FMNL2: variants seen among roughly 807,000 people sequenced by gnomAD.
FMNL2 encodes formin-like protein 2.
Under a neutral mutation model 130.2 loss-of-function variants are expected in FMNL2, and 51 were observed. The ratio of observed to expected loss-of-function variants is 0.39; its 90% CI spans 0.31 to 0.49. FMNL2 has a LOEUF of 0.49. Among genes scored for constraint, FMNL2 ranks in the 20% least tolerant of loss-of-function variants. FMNL2 has a pLI of 0.85. For missense variants in FMNL2, 977 were observed against 1,316.2 expected (o/e 0.74, Z 3.99); for synonymous variants, 465 against 467.1 (o/e 1.00, Z 0.06).
chr2:152,432,035 T>C (rs1258732671), intron 1 of FMNL2, among the ~76,000 whole-genome samples: 2 of 139,702 alleles, frequency 1.4e-5, no homozygotes, highest in Non-Finnish European at 3.1e-5. Flanking sequence ...TTTGAGAAAA[T>C]ATTTTATTCC....
chr2:152,558,362 C>G lies in FMNL2; in HGVS notation c.360-378C>G, dbSNP rs147000913. On this transcript the variant is annotated intron_variant, in intron 4 of 25. Coordinates refer to ENST00000288670, the MANE Select transcript of FMNL2 (RefSeq NM_052905.4). ...GTGGTTATGTTGTCATGTCCCCCAT[C>G]TGCCTCATTGTCCATAGTCTTGCTT... 1.2e-4 allele frequency among the ~76,000 whole-genome samples: 19 copies of G among 152,310 alleles called. 1 individual carries two copies. In the East Asian group the frequency reaches 3.7e-3, roughly 29 times the overall value.
intron 1 of FMNL2, among the ~76,000 whole-genome samples, chr2:152,439,210 G>A (rs1240368198): frequency 6.6e-6 from 1 of 151,850 alleles, no homozygotes; most frequent in Admixed American, 6.6e-5. Context: ...AAATAATTAT[G>A]TCATATATGA....
chr2:152,336,632 CA>C (rs1681472290), intron 1 of FMNL2, among the ~76,000 whole-genome samples: 2 of 152,146 alleles, frequency 1.3e-5, no homozygotes, highest in Admixed American at 1.3e-4. Context: ...CTGTGAGCTG[CA>C]GAGGGTGTGG....
chr2:152,623,430 T>C (rs1414895623), intron 15 of FMNL2, among the ~76,000 whole-genome samples: 1 of 152,156 alleles, frequency 6.6e-6, no homozygotes, highest in Admixed American at 6.6e-5. Flanking sequence ...AAAGGTGTCA[T>C]GTTTGGTGGT....
chr2:152,596,749 T>C (rs1697793205), intron 9 of FMNL2, among the ~76,000 whole-genome samples: 1 of 152,212 alleles, frequency 6.6e-6, no homozygotes, highest in Admixed American at 6.5e-5. Flanking sequence ...CTGCTGTTGT[T>C]TTTGTTGAAG....
Position 152,566,291 on chromosome 2 carries a change from C to T in FMNL2, c.596+5256C>T, listed in dbSNP as rs77415697. Among the ~76,000 whole-genome samples the T allele has an allele frequency of 0.018, 2,732 of 152,224 alleles. 127 individuals carry two copies. The East Asian group carries it at 0.19, about 10-fold the overall frequency. Reference sequence around the variant, plus strand: ...TTCAGTGGTACAAAGATACAGATAGCGTTGATGTAATTTTTATTGGTGAGA... The same window carrying T: ...TTCAGTGGTACAAAGATACAGATAGTGTTGATGTAATTTTTATTGGTGAGA... On this transcript the variant is annotated intron_variant, in intron 6 of 25. Transcript: ENST00000288670.
At position 152,414,230 on chromosome 2, in the gene FMNL2, C is replaced by T. The variant is rs558248412; in HGVS notation, c.117+78510C>T. ...TGGTTATCCTACAGATTATAGGATACGTCTTTGATTTACTACAGTCTAATA... is the reference window on the plus strand; with the variant it reads ...TGGTTATCCTACAGATTATAGGATATGTCTTTGATTTACTACAGTCTAATA... On this transcript the variant is annotated intron_variant, in intron 1 of 25. Transcript: ENST00000288670. Among the ~76,000 whole-genome samples, 23 of 152,212 alleles carry T rather than the reference C, an allele frequency of 1.5e-4. No individual in the cohort carries two copies. In the South Asian group the frequency reaches 4.6e-3, roughly 30 times the overall value.
At chr2:152,479,863 A>G (rs1271420414) in intron 1 of FMNL2, among the ~76,000 whole-genome samples, 1 of 151,558 alleles carries the variant, frequency 6.6e-6, no homozygotes, top group Non-Finnish European at 1.5e-5. Flanking sequence ...GGCACGTGCC[A>G]CCGCACCTGG....
chr2:152,601,853 A>G (rs1375944223), intron 9 of FMNL2, among the ~76,000 whole-genome samples: 1 of 151,400 alleles, frequency 6.6e-6, no homozygotes, highest in Non-Finnish European at 1.5e-5. Flanking sequence ...TATTTCTAGT[A>G]GAAACGGGGT....
intron 5 of FMNL2, among the ~76,000 whole-genome samples, chr2:152,560,589 T>A (rs1008917204): frequency 6.6e-6 from 1 of 152,220 alleles, no homozygotes; most frequent in African/African-American, 2.4e-5. Flanking sequence ...TGTTAGTGAC[T>A]TATATATTAG....
intron 1 of FMNL2, among the ~76,000 whole-genome samples, chr2:152,347,103 T>TAA (rs397941066): frequency 1.3e-5 from 2 of 151,310 alleles, no homozygotes; most frequent in Non-Finnish European, 2.9e-5. Context: ...AAAAAAAAAA[T>TAA]TTTTTTTTCA....
intron 1 of FMNL2, among the ~76,000 whole-genome samples, chr2:152,463,312 C>T (rs1341518688): frequency 6.6e-6 from 1 of 152,138 alleles, no homozygotes; most frequent in Non-Finnish European, 1.5e-5. Context: ...ATTCAACCCT[C>T]ACAACAGCCC....
intron 1 of FMNL2, among the ~76,000 whole-genome samples, chr2:152,436,192 G>T (rs982087144): frequency 2.0e-5 from 3 of 151,598 alleles, no homozygotes; most frequent in African/African-American, 4.9e-5. Context: ...TTGAGACAGG[G>T]TCTGGCTTTA....
intron 1 of FMNL2, among the ~76,000 whole-genome samples, chr2:152,457,962 C>T (rs1656214260): frequency 6.6e-6 from 1 of 152,196 alleles, no homozygotes; most frequent in South Asian, 2.1e-4. Flanking sequence ...GAAGGTTCTC[C>T]ATCTATGAGG....
intron 1 of FMNL2, among the ~76,000 whole-genome samples, chr2:152,468,931 A>T (rs770369760): frequency 6.6e-6 from 1 of 152,246 alleles, no homozygotes; most frequent in Non-Finnish European, 1.5e-5. Context: ...TTTAGGATAT[A>T]AATGAAGTAA....
At chr2:152,477,275 T>C (rs1263870059) in intron 1 of FMNL2, among the ~76,000 whole-genome samples, 1 of 152,230 alleles carries the variant, frequency 6.6e-6, no homozygotes, top group Non-Finnish European at 1.5e-5. Flanking sequence ...ACGAGCTTAC[T>C]CATCATTAGC....
intron 1 of FMNL2, among the ~76,000 whole-genome samples, chr2:152,506,354 TC>T (rs960031694): frequency 5.9e-5 from 9 of 152,196 alleles, no homozygotes; most frequent in Admixed American, 5.2e-4. Flanking sequence ...AATGCTCAAG[TC>T]CCTGATAGAA....
In FMNL2 at chr2:152,636,608, T is replaced by C. The variant is rs1240343455; in HGVS notation, c.2844+18T>C. 2.0e-5 allele frequency: 31 copies of C among 1,550,880 alleles called. No homozygotes were observed. Among genetic ancestry groups the C allele is most frequent in the Non-Finnish European group, 2.6e-5 (30 of 1,147,180 alleles). Reference sequence around the variant, plus strand: ...TCGCACAGGCAAGTATTGGTGCCCCTGAAACCTGTGAAGAGGCTGCATCCA... The same window carrying C: ...TCGCACAGGCAAGTATTGGTGCCCCCGAAACCTGTGAAGAGGCTGCATCCA... On this transcript the variant is annotated intron_variant, in intron 22 of 25. Transcript: ENST00000288670.
At chr2:152,345,572 C>T (rs1682070950) in intron 1 of FMNL2, among the ~76,000 whole-genome samples, 1 of 152,222 alleles carries the variant, frequency 6.6e-6, no homozygotes, top group Non-Finnish European at 1.5e-5. Context: ...CTGGCCCTTT[C>T]ATTCCCTGAT....
Sources: allele counts gnomAD v4.1 joint callset (sites outside exome capture counted in the v4.1 genomes callset), GRCh38; gene constraint gnomAD v4.1.1; transcripts MANE v1.5; gene names NCBI Gene and HGNC (gene_info 2026-07-23, HGNC 2026-07-21).